The following RIMS2 variants were observed in gnomAD, a reference collection of about 807,000 sequenced individuals.
The protein encoded by RIMS2 is regulating synaptic membrane exocytosis 2.
In RIMS2, 59 loss-of-function variants were observed where a neutral mutation model predicts 174.4. The observed-to-expected ratio is 0.34, with a 90% CI of 0.27 to 0.42. The LOEUF (loss-of-function observed/expected upper bound fraction) is 0.42, where lower values mean the gene tolerates loss of function less well. Ranked by LOEUF, RIMS2 falls within the 10% of genes least tolerant of loss-of-function variation. The probability of loss-of-function intolerance (pLI) is 1.00; values close to 1 mark genes in which losing one functional copy is unlikely to be tolerated. For synonymous variants in RIMS2, 606 were observed against 572.5 expected, an observed-to-expected ratio of 1.06 and a Z score of -0.84; for missense variants, 1,620 against 1,666.3, an observed-to-expected ratio of 0.97 and a Z score of 0.48.
intron 3 of RIMS2, among the ~76,000 whole-genome samples, chr8:103,782,345 G>A (rs1462945897): frequency 1.3e-5 from 2 of 151,560 alleles, no homozygotes; most frequent in African/African-American, 4.9e-5. Context: ...TAGTGTATGT[G>A]TCATATTTGT....
At chr8:103,936,235 T>TA (rs528704635) in intron 12 of RIMS2, among the ~76,000 whole-genome samples, 5 of 152,074 alleles carry the variant, frequency 3.3e-5, no homozygotes, top group Admixed American at 1.3e-4. Context: ...GGTGATATTT[T>TA]AAAAAAATTA....
At chr8:103,694,357 C>G (rs1435282496) in intron 1 of RIMS2, among the ~76,000 whole-genome samples, 1 of 151,894 alleles carries the variant, frequency 6.6e-6, no homozygotes, top group African/African-American at 2.4e-5. Context: ...GCTGAGTGGG[C>G]CTGGAACTTG....
At chr8:103,994,216 T>C (rs377469221) in intron 17 of RIMS2, among the ~76,000 whole-genome samples, 3 of 152,080 alleles carry the variant, frequency 2.0e-5, no homozygotes, top group South Asian at 2.1e-4. Flanking sequence ...TAATTTCATA[T>C]AGTGGAAGGA....
intron 19 of RIMS2, among the ~76,000 whole-genome samples, chr8:104,022,985 C>G (rs2096145282): frequency 6.6e-6 from 1 of 152,118 alleles, no homozygotes; most frequent in African/African-American, 2.4e-5. Flanking sequence ...TGATTATTTA[C>G]CTGTAATTAA....
At chr8:104,191,411 G>A (rs2098997169) in intron 19 of RIMS2, among the ~76,000 whole-genome samples, 1 of 152,060 alleles carries the variant, frequency 6.6e-6, no homozygotes, top group African/African-American at 2.4e-5. Flanking sequence ...ATGAGTGTCA[G>A]AACTCTGATT....
intron 16 of RIMS2, among the ~76,000 whole-genome samples, chr8:103,982,518 C>T (rs2093999573): frequency 6.8e-6 from 1 of 147,830 alleles, no homozygotes; most frequent in African/African-American, 2.5e-5. Context: ...ACTAGCAAAC[C>T]AAATTCAACA....
intron 1 of RIMS2, among the ~76,000 whole-genome samples, chr8:103,502,774 A>AT (rs1238606478): frequency 6.6e-6 from 1 of 151,972 alleles, no homozygotes; most frequent in Non-Finnish European, 1.5e-5. Flanking sequence ...ATGTAGTTTT[A>AT]TTTTTTTGAC....
chr8:104,130,908 A>C (rs998536690), intron 19 of RIMS2, among the ~76,000 whole-genome samples: 9 of 152,198 alleles, frequency 5.9e-5, no homozygotes, highest in Admixed American at 4.6e-4. Context: ...TTCAGTAACT[A>C]CATATAGTGA....
chr8:104,059,783 T>C, intron 19 of RIMS2, among the ~76,000 whole-genome samples: 1 of 151,886 alleles, frequency 6.6e-6, no homozygotes, highest in Non-Finnish European at 1.5e-5. Context: ...GCATGAAGGG[T>C]TGTTGAATTT....
At chr8:103,969,485 G>A (rs182292400) in intron 15 of RIMS2, among the ~76,000 whole-genome samples, 19 of 152,164 alleles carry the variant, frequency 1.2e-4, no homozygotes, top group African/African-American at 4.3e-4. Context: ...CTACTAATAA[G>A]CCCATCAAAG....
intron 2 of RIMS2, among the ~76,000 whole-genome samples, chr8:103,715,891 G>A (rs1432328662): frequency 6.6e-6 from 1 of 151,970 alleles, no homozygotes; most frequent in East Asian, 1.9e-4. Context: ...ATTAAACATT[G>A]ATGCTATGTT....
intron 1 of RIMS2, among the ~76,000 whole-genome samples, chr8:103,615,499 G>A (rs566692500): frequency 2.0e-5 from 3 of 152,204 alleles, no homozygotes; most frequent in Non-Finnish European, 4.4e-5. Context: ...CAACACCAAA[G>A]CTAGCAGAAG....
At chr8:104,189,752 T>G (rs1586901509) in intron 19 of RIMS2, among the ~76,000 whole-genome samples, 1 of 151,736 alleles carries the variant, frequency 6.6e-6, no homozygotes, top group Non-Finnish European at 1.5e-5. Context: ...TTTGAGGTAG[T>G]ATATATTTTA....
intron 17 of RIMS2, among the ~76,000 whole-genome samples, chr8:104,006,910 T>A (rs1192233111): frequency 6.6e-6 from 1 of 152,096 alleles, no homozygotes; most frequent in Non-Finnish European, 1.5e-5. Flanking sequence ...AAGGTTTTTT[T>A]ATATTTAATT....
Position 103,936,545 on chromosome 8 carries a change from C to A in RIMS2, c.2376-6C>A. ...TAAGTTCATAATTCATTGTTTTTTTCCATAGTGATAAAAACAAGAGAAGAA... is the reference window on the plus strand; with the variant it reads ...TAAGTTCATAATTCATTGTTTTTTTACATAGTGATAAAAACAAGAGAAGAA... On this transcript the variant is annotated splice_polypyrimidine_tract_variant and splice_region_variant and intron_variant, in intron 12 of 23. Coordinates refer to ENST00000504942, the Ensembl canonical transcript of RIMS2. 1.3e-6 allele frequency: 2 copies of A among 1,524,868 alleles called. No homozygotes were observed. The highest frequency in any genetic ancestry group is 1.8e-6 in the Non-Finnish European group (2 of 1,130,474). 94.5% of individuals were successfully genotyped at this position (1,524,868 alleles called of 1,614,324 possible).
chr8:103,794,433 T>C (rs985868424), intron 3 of RIMS2, among the ~76,000 whole-genome samples: 8 of 151,980 alleles, frequency 5.3e-5, no homozygotes, highest in Admixed American at 3.3e-4. Flanking sequence ...AAAATTAATT[T>C]ATGATGGATT....
chr8:103,512,318 G>A lies in RIMS2; in HGVS notation c.176+11256G>A, dbSNP rs536236677. Among the ~76,000 whole-genome samples, 19 of 152,318 alleles carry A rather than the reference G, an allele frequency of 1.2e-4. No individual in the cohort carries two copies. The South Asian group carries it at 3.3e-3, about 27-fold the overall frequency. ...CACTATCACAAAGCAGGTCAAAGAA[G>A]GGTGGATTTGGAGCTGAGAGGCAGT... On this transcript the variant is annotated intron_variant, in intron 1 of 23. Coordinates refer to ENST00000504942, the Ensembl canonical transcript of RIMS2.
chr8:103,547,090 T>C (rs1050827566), intron 1 of RIMS2, among the ~76,000 whole-genome samples: 4 of 152,134 alleles, frequency 2.6e-5, no homozygotes, highest in African/African-American at 9.7e-5. Flanking sequence ...GAATTCTTAG[T>C]TTACAGAGGT....
chr8:104,192,942 A>G (rs553078513), intron 19 of RIMS2, among the ~76,000 whole-genome samples: 1 of 152,146 alleles, frequency 6.6e-6, no homozygotes, highest in African/African-American at 2.4e-5. Context: ...TGTGCTGTTG[A>G]TAAGAAAGGA....
Sources: gnomAD v4.1 joint callset for allele counts (sites outside exome capture counted in the v4.1 genomes callset) on GRCh38, gnomAD v4.1.1 for gene constraint, MANE v1.5 for transcripts, NCBI Gene and HGNC (gene_info 2026-07-23, HGNC 2026-07-21) for gene names.